ZFHX4: variants seen among roughly 807,000 people sequenced by gnomAD.
ZFHX4 encodes the protein zinc finger homeobox protein 4.
Under a neutral mutation model 267.6 loss-of-function variants are expected in ZFHX4, and 56 were observed. That is an observed-to-expected ratio of 0.21 (90% confidence interval 0.17 to 0.26). The LOEUF (loss-of-function observed/expected upper bound fraction) is 0.26, where lower values mean the gene tolerates loss of function less well. ZFHX4 is among the 10% of genes least tolerant of loss of function. The probability of loss-of-function intolerance (pLI) is 1.00; values close to 1 mark genes in which losing one functional copy is unlikely to be tolerated. For missense variants in ZFHX4, 4,332 were observed against 4,420.0 expected, an observed-to-expected ratio of 0.98 and a Z score of 0.56; for synonymous variants, 1,778 against 1,665.6, an observed-to-expected ratio of 1.07 and a Z score of -1.64.
At chr8:76,752,920 C>T (rs1809659083) in intron 3 of ZFHX4, among the ~76,000 whole-genome samples, 2 of 152,120 alleles carry the variant, frequency 1.3e-5, no homozygotes, top group Admixed American at 1.3e-4. Flanking sequence ...CATAGCTGAT[C>T]TACCACCATA....
chr8:76,863,282 GA>G lies in ZFHX4; in HGVS notation c.9569del (p.Glu3190GlyfsTer10). 1.9e-6 allele frequency: 3 copies of G among 1,612,322 alleles called. No individual in the cohort carries two copies. Among genetic ancestry groups the G allele is most frequent in the Non-Finnish European group, 2.5e-6 (3 of 1,179,204 alleles). On this transcript the variant is annotated frameshift_variant, in exon 11 of 11. Coordinates refer to ENST00000651372, the MANE Select transcript of ZFHX4 (RefSeq NM_024721.5). LOFTEE classifies it high-confidence loss of function. ...QQTEQQNKES[E>X]KKQTKPNKVK... ...GACCGAGCAACAGAACAAAGAATCTGAGAAAAAGCAAACTAAGCCAAACAAG... is the reference window on the plus strand; with the variant it reads ...GACCGAGCAACAGAACAAAGAATCTGGAAAAAGCAAACTAAGCCAAACAAG...
intron 1 of ZFHX4, among the ~76,000 whole-genome samples, chr8:76,696,250 G>C (rs1807953155): frequency 6.6e-6 from 1 of 152,088 alleles, no homozygotes; most frequent in South Asian, 2.1e-4. Context: ...AGAAACTGTA[G>C]ATTTGAGATA....
intron 3 of ZFHX4, among the ~76,000 whole-genome samples, chr8:76,723,817 C>A (rs775282863): frequency 2.6e-5 from 4 of 151,898 alleles, no homozygotes; most frequent in Non-Finnish European, 5.9e-5. Flanking sequence ...GTCGTCAGTA[C>A]CTTCGGATTT....
In ZFHX4 at chr8:76,705,650, G is replaced by T. The variant is rs1239475431; in HGVS notation, c.1562G>T (p.Gly521Val). The change falls in exon 2 of 11, where the codon GGT becomes GTT. Residue 521 changes from glycine to valine, a missense_variant. By Grantham distance (109) the Gly-to-Val change is moderately radical. Around this residue, in one of 7 missense-constraint regions of ZFHX4, gnomAD observed 1,195 missense variants for 1,173.6 expected, o/e 1.02. Coordinates refer to ENST00000651372, the MANE Select transcript of ZFHX4 (RefSeq NM_024721.5). ...AGTGTGCTAAAATTTATTGAAAAGGGTACCTCGTCCTCCTCGGCGACTGTT... is the reference window on the plus strand; with the variant it reads ...AGTGTGCTAAAATTTATTGAAAAGGTTACCTCGTCCTCCTCGGCGACTGTT... Reference protein sequence around the residue: ...SSSVLKFIEKGTSSSSATVSD... With the variant: ...SSSVLKFIEKVTSSSSATVSD... The T allele has an allele frequency of 6.2e-7, 1 of 1,613,894 alleles. No homozygotes were observed. Among genetic ancestry groups the T allele is most frequent in the Non-Finnish European group, 8.5e-7 (1 of 1,179,864 alleles).
rs750848368 is a variant in ZFHX4, at chr8:76,849,134, T to TA, written c.3645+7dup. 8 of 1,544,294 alleles carry TA rather than the reference T, an allele frequency of 5.2e-6. No homozygotes were observed. The South Asian group carries it at 8.6e-5, about 17-fold the overall frequency. On this transcript the variant is annotated splice_region_variant and intron_variant, in intron 7 of 10. Transcript: ENST00000651372. ...ATAAATTCTGTCATGAACAGGTAAA[T>TA]ACTTTTTTTCCCCTTTACTGTGTAA...
intron 3 of ZFHX4, among the ~76,000 whole-genome samples, chr8:76,710,980 T>C (rs1000523808): frequency 4.6e-5 from 7 of 152,162 alleles, no homozygotes. Context: ...ATTAGATGTA[T>C]GCTAGTAAAA....
chr8:76,810,651 C>T (rs547573941), intron 4 of ZFHX4, among the ~76,000 whole-genome samples: 2 of 152,038 alleles, frequency 1.3e-5, no homozygotes, highest in East Asian at 1.9e-4. Flanking sequence ...TGGATGAAAC[C>T]GTTATACTGG....
chr8:76,714,141 G>C (rs1055118273), intron 3 of ZFHX4, among the ~76,000 whole-genome samples: 7 of 152,170 alleles, frequency 4.6e-5, no homozygotes, highest in African/African-American at 1.7e-4. Context: ...AGGTAATGCA[G>C]ACAAAGGTGT....
intron 1 of ZFHX4, among the ~76,000 whole-genome samples, chr8:76,694,828 A>G (rs761878996): frequency 1.3e-5 from 2 of 150,798 alleles, no homozygotes; most frequent in Non-Finnish European, 2.9e-5. Context: ...TTCGCAACAC[A>G]TTACATGAAC....
chr8:76,694,873 TTAATGA>T (rs1807916267), intron 1 of ZFHX4, among the ~76,000 whole-genome samples: 1 of 150,648 alleles, frequency 6.6e-6, no homozygotes, highest in South Asian at 2.1e-4. Context: ...GCGATGAGAG[TTAATGA>T]TATATTTTTA....
chr8:76,839,051 GAA>G (rs1238029334), intron 5 of ZFHX4, among the ~76,000 whole-genome samples: 1 of 103,602 alleles, frequency 9.7e-6, no homozygotes, highest in Non-Finnish European at 1.9e-5. Flanking sequence ...GACTCTGTCT[GAA>G]AGAGAGAGAG....
intron 3 of ZFHX4, among the ~76,000 whole-genome samples, chr8:76,713,205 G>A (rs950003949): frequency 4.6e-5 from 7 of 152,178 alleles, no homozygotes; most frequent in Admixed American, 4.6e-4. Context: ...ATTGTGAGCT[G>A]AGAACCCTCT....
intron 3 of ZFHX4, among the ~76,000 whole-genome samples, chr8:76,753,641 T>C (rs540560746): frequency 1.4e-5 from 2 of 145,062 alleles, no homozygotes; most frequent in Non-Finnish European, 3.0e-5. Flanking sequence ...TTTTTTTTTT[T>C]TTTTTTTTTT....
At chr8:76,827,627 CATT>C in intron 4 of ZFHX4, among the ~76,000 whole-genome samples, 1 of 152,070 alleles carries the variant, frequency 6.6e-6, no homozygotes, top group African/African-American at 2.4e-5. Context: ...AAATATAAGA[CATT>C]AAGAAGATGT....
At chr8:76,716,683 G>T (rs1024347110) in intron 3 of ZFHX4, among the ~76,000 whole-genome samples, 4 of 152,126 alleles carry the variant, frequency 2.6e-5, no homozygotes, top group African/African-American at 9.7e-5. Context: ...GTAAGAGCTG[G>T]CTGGTAGGTT....
intron 5 of ZFHX4, among the ~76,000 whole-genome samples, chr8:76,835,935 T>A (rs554037469): frequency 1.3e-5 from 2 of 152,292 alleles, no homozygotes; most frequent in South Asian, 4.1e-4. Flanking sequence ...GTAGTGAGGC[T>A]AAATACAACA....
chr8:76,852,723 G>A lies in ZFHX4; in HGVS notation c.5802G>A (p.Lys1934=), dbSNP rs771660228. The stretch of plus-strand genomic sequence containing the variant: ...AAAACAGGCAGAAGGTACAGAAGAA[G>A]GGCAAAAGTGGTGAAGGCGAAAACA... ...YNENRQKVQK[K]GKSGEGENTD... is the part of the protein sequence containing the mutation. Residue 1934 remains lysine, a synonymous_variant, in exon 10 of 11, where the codon AAG becomes AAA. Transcript: ENST00000651372. The A allele has an allele frequency of 1.9e-6, 3 of 1,613,732 alleles. No homozygotes were observed. The highest frequency in any genetic ancestry group is 4.5e-5 in the East Asian group (2 of 44,864).
intron 6 of ZFHX4, among the ~76,000 whole-genome samples, chr8:76,848,471 G>A (rs1812420160): frequency 6.6e-6 from 1 of 152,108 alleles, no homozygotes; most frequent in South Asian, 2.1e-4. Context: ...AATAGCAGCA[G>A]CAGATACATA....
intron 3 of ZFHX4, among the ~76,000 whole-genome samples, chr8:76,743,524 C>T (rs1219463965): frequency 1.3e-5 from 2 of 152,160 alleles, no homozygotes; most frequent in African/African-American, 4.8e-5. Context: ...TATGAGGAAA[C>T]CTTAAAACTC....
Sources: gnomAD v4.1 joint callset for allele counts (sites outside exome capture counted in the v4.1 genomes callset) on GRCh38, gnomAD v4.1.1 for gene constraint, gnomAD v4.1.1 regional missense constraint, MANE v1.5 for transcripts, NCBI Gene and HGNC (gene_info 2026-07-23, HGNC 2026-07-21) for gene names.